ANO3: variants seen among roughly 807,000 people sequenced by gnomAD.
ANO3 encodes the protein anoctamin-3.
A neutral mutation model predicts 144.8 loss-of-function variants in ANO3; 99 were observed. The observed-to-expected ratio is 0.68, with a 90% CI of 0.58 to 0.81. The LOEUF is 0.81. Among genes scored for constraint, ANO3 ranks in the 30% least tolerant of loss-of-function variants. The pLI, the probability that ANO3 is intolerant of heterozygous loss-of-function variation, is 0.00. For missense variants in ANO3, 905 were observed against 1,202.2 expected, an observed-to-expected ratio of 0.75 and a Z score of 3.66; for synonymous variants, 414 against 392.6, an observed-to-expected ratio of 1.05 and a Z score of -0.64.
chr11:26,563,670 A>G (rs559630687), intron 14 of ANO3, among the ~76,000 whole-genome samples: 231 of 152,028 alleles, frequency 1.5e-3, no homozygotes, highest in African/African-American at 5.3e-3. Flanking sequence ...AATAATTCAA[A>G]GGTTAAAAGC....
intron 1 of ANO3, among the ~76,000 whole-genome samples, chr11:26,302,225 G>A (rs1035227181): frequency 3.3e-5 from 5 of 152,158 alleles, no homozygotes; most frequent in South Asian, 2.1e-4. Flanking sequence ...GGCCAGGTGC[G>A]GTGGCTCACG....
chr11:26,257,300 T>C (rs1853082077), intron 1 of ANO3, among the ~76,000 whole-genome samples: 1 of 152,108 alleles, frequency 6.6e-6, no homozygotes. Context: ...CTCATTTTTA[T>C]AGGAGGCTTG....
upstream of ANO3, among the ~76,000 whole-genome samples, chr11:26,305,896 A>G (rs1854368841): frequency 6.6e-6 from 1 of 152,022 alleles, no homozygotes; most frequent in African/African-American, 2.4e-5. Context: ...TTTCTCTTTT[A>G]TATTCTGCCA....
At chr11:26,348,840 G>A (rs573898760) in intron 1 of ANO3, among the ~76,000 whole-genome samples, 7 of 152,326 alleles carry the variant, frequency 4.6e-5, no homozygotes, top group African/African-American at 1.4e-4. Flanking sequence ...CATTAACAGT[G>A]GAGTGTAATA....
At chr11:26,269,253 A>G (rs1204365800) in intron 1 of ANO3, among the ~76,000 whole-genome samples, 1 of 152,152 alleles carries the variant, frequency 6.6e-6, no homozygotes, top group Admixed American at 6.5e-5. Context: ...CCTCTTTATC[A>G]GGGGCCTTTG....
chr11:26,434,161 G>A (rs894244579), intron 1 of ANO3, among the ~76,000 whole-genome samples: 3 of 152,156 alleles, frequency 2.0e-5, no homozygotes, highest in African/African-American at 7.2e-5. Context: ...GAGGGTGTAT[G>A]TGTCCCCTCT....
At chr11:26,284,426 C>A (rs113119578) in intron 1 of ANO3, among the ~76,000 whole-genome samples, 1 of 152,066 alleles carries the variant, frequency 6.6e-6, no homozygotes, top group African/African-American at 2.4e-5. Flanking sequence ...TGGAGATCAA[C>A]TGGAAGTGGG....
At chr11:26,587,996 T>C (rs1039871878) in intron 14 of ANO3, among the ~76,000 whole-genome samples, 1 of 151,764 alleles carries the variant, frequency 6.6e-6, no homozygotes, top group Non-Finnish European at 1.5e-5. Flanking sequence ...GGGTTTTCAT[T>C]AGAATCAAGT....
At chr11:26,247,631 T>C (rs138331726) in intron 1 of ANO3, among the ~76,000 whole-genome samples, 1 of 152,254 alleles carries the variant, frequency 6.6e-6, no homozygotes, top group African/African-American at 2.4e-5. Flanking sequence ...CTTTTTCAAT[T>C]ACTGTCTCTG....
chr11:26,563,187 T>C (rs1257214977), intron 14 of ANO3: 1 of 1,612,416 alleles, frequency 6.2e-7, no homozygotes, highest in Non-Finnish European at 8.5e-7. Context: ...ACACAACAAG[T>C]AGCCCACAAG....
intron 1 of ANO3, among the ~76,000 whole-genome samples, chr11:26,278,351 C>T (rs952709383): frequency 6.6e-6 from 1 of 152,072 alleles, no homozygotes; most frequent in African/African-American, 2.4e-5. Context: ...CCTATTAAAC[C>T]AGTATTAGGA....
chr11:26,480,379 C>A (rs1268638575), intron 4 of ANO3, among the ~76,000 whole-genome samples: 2 of 151,850 alleles, frequency 1.3e-5, no homozygotes, highest in Non-Finnish European at 2.9e-5. Context: ...GTTATAAGGG[C>A]CTGTTTGATT....
At chr11:26,456,454 G>A (rs1208596059) in intron 3 of ANO3, among the ~76,000 whole-genome samples, 3 of 151,354 alleles carry the variant, frequency 2.0e-5, no homozygotes, top group African/African-American at 7.3e-5. Context: ...CATTTACGCA[G>A]CCAAAAAACA....
chr11:26,492,033 G>T (rs564776086), intron 4 of ANO3, among the ~76,000 whole-genome samples: 1 of 152,138 alleles, frequency 6.6e-6, no homozygotes, highest in African/African-American at 2.4e-5. Context: ...TAAGGACAAG[G>T]GTTCCCCTGT....
At chr11:26,451,444 G>A (rs796661770) in intron 3 of ANO3, among the ~76,000 whole-genome samples, 70 of 152,318 alleles carry the variant, frequency 4.6e-4, no homozygotes, top group African/African-American at 1.6e-3. Context: ...TCCTGCACCT[G>A]GCTCGGAGGG....
At chr11:26,424,762 AT>A (rs1857869145) in intron 1 of ANO3, among the ~76,000 whole-genome samples, 1 of 152,100 alleles carries the variant, frequency 6.6e-6, no homozygotes, top group Non-Finnish European at 1.5e-5. Flanking sequence ...GGTAGATCCT[AT>A]GCTATTTCTT....
At chr11:26,415,056 A>ATGTGTGTGTGTGTGTGTGTG (rs149901742) in intron 1 of ANO3, among the ~76,000 whole-genome samples, 2 of 145,570 alleles carry the variant, frequency 1.4e-5, no homozygotes, top group East Asian at 4.2e-4. Flanking sequence ...ATTGGTGTGT[A>ATGTGTGTGTGTGTGTGTGTG]TGTGTGTGTG....
intron 3 of ANO3, among the ~76,000 whole-genome samples, chr11:26,462,106 G>A (rs549225318): frequency 2.0e-5 from 3 of 151,874 alleles, no homozygotes; most frequent in East Asian, 3.9e-4. Flanking sequence ...ATTTATAAAG[G>A]AATGGATATA....
chr11:26,401,311 T>A (rs1319946492), intron 1 of ANO3, among the ~76,000 whole-genome samples: 3 of 152,028 alleles, frequency 2.0e-5, no homozygotes. Context: ...GCTTCTGCCT[T>A]CTGAGAGAAT....
Sources: allele counts gnomAD v4.1 joint callset (sites outside exome capture counted in the v4.1 genomes callset), GRCh38; gene constraint gnomAD v4.1.1; transcripts MANE v1.5; gene names NCBI Gene and HGNC (gene_info 2026-07-23, HGNC 2026-07-21).